Variants in ZNF236 observed in about 807,000 individuals in gnomAD.
ZNF236 encodes regulated by glucose.
ZNF236 carries 50 observed loss-of-function variants against 191.2 expected under a neutral mutation model. The ratio of observed to expected loss-of-function variants is 0.26; its 90% confidence interval spans 0.21 to 0.33. ZNF236 has a LOEUF of 0.33. Ranked by LOEUF, ZNF236 falls within the 10% of genes least tolerant of loss-of-function variation. The pLI is 1.00. For synonymous variants in ZNF236, 907 were observed against 928.8 expected, an observed-to-expected ratio of 0.98 and a Z score of 0.43; for missense variants, 1,754 against 2,374.5, an observed-to-expected ratio of 0.74 and a Z score of 5.43.
intron 13 of ZNF236, among the ~76,000 whole-genome samples, chr18:76,906,482 AC>A (rs2122748032): frequency 6.6e-6 from 1 of 152,264 alleles, no homozygotes; most frequent in South Asian, 2.1e-4. Flanking sequence ...TAGCAGGATG[AC>A]GGGTCCCCAG....
chr18:76,862,748 C>T (rs1472125170), intron 3 of ZNF236, among the ~76,000 whole-genome samples: 2 of 152,198 alleles, frequency 1.3e-5, no homozygotes, highest in African/African-American at 4.8e-5. Context: ...AAATGGGTCT[C>T]TGCTGCTGCT....
Position 76,837,958 on chromosome 18 carries a change from A to G in ZNF236, c.56-11568A>G, listed in dbSNP as rs142977211. Reference sequence around the variant, plus strand: ...GACACATTAAAATGGATAGATAGCCATTAGAATTAGTTATTTGTGTATCAC... The same window carrying G: ...GACACATTAAAATGGATAGATAGCCGTTAGAATTAGTTATTTGTGTATCAC... On this transcript the variant is annotated intron_variant, in intron 1 of 30. Coordinates refer to ENST00000320610, the MANE Select transcript of ZNF236 (RefSeq NM_001306089.2). Among the ~76,000 whole-genome samples the G allele has an allele frequency of 3.9e-3, 598 of 152,358 alleles. 3 individuals are homozygous for G. The highest frequency in any genetic ancestry group is 6.9e-3 in the Admixed American group (106 of 15,300).
rs371026672 is a variant in ZNF236 at position 76,938,735 on chromosome 18, G to A, written c.4782+1392G>A. Among the ~76,000 whole-genome samples, 53 of 152,226 alleles carry A rather than the reference G, an allele frequency of 3.5e-4. 1 individual carries two copies. The East Asian group carries it at 8.3e-3, about 24-fold the overall frequency. On this transcript the variant is annotated intron_variant, in intron 26 of 30. Coordinates refer to ENST00000320610, the MANE Select transcript of ZNF236 (RefSeq NM_001306089.2). Reference sequence around the variant, plus strand: ...CTGAGGTGACCCAGGCGCACCGCACGCCAGGGTTCCTGCTCACTGGACACA... The same window carrying A: ...CTGAGGTGACCCAGGCGCACCGCACACCAGGGTTCCTGCTCACTGGACACA...
At position 76,878,112 on chromosome 18, in the gene ZNF236, A is replaced by C. The variant is rs1478397143; in HGVS notation, c.944A>C (p.Gln315Pro). 1 of 1,613,218 alleles carries C rather than the reference A, an allele frequency of 6.2e-7. No homozygotes were observed. The highest frequency in any genetic ancestry group is 1.3e-5 in the African/African-American group (1 of 74,928). Reference sequence around the variant, plus strand: ...AGCAAGATGCATATGGGTGGGCCACAGAATTCAACAAGTTCTACAGAGACT... The same window carrying C: ...AGCAAGATGCATATGGGTGGGCCACCGAATTCAACAAGTTCTACAGAGACT... Reference protein sequence around the residue: ...HISKMHMGGPQNSTSSTETAH... With the variant: ...HISKMHMGGPPNSTSSTETAH... The change falls in exon 7 of 31, where the codon CAG becomes CCG. Residue 315 changes from glutamine (Q) to proline (P), a missense_variant. Gln to Pro is a moderately conservative substitution (Grantham distance 76). Around this residue, in one of 5 missense-constraint regions of ZNF236, gnomAD observed 336 missense variants for 495.1 expected, o/e 0.68. Transcript: ENST00000320610.
intron 1 of ZNF236, among the ~76,000 whole-genome samples, chr18:76,837,462 CAG>C (rs1285918298): frequency 1.0e-5 from 1 of 96,696 alleles, no homozygotes; most frequent in East Asian, 3.2e-4. Flanking sequence ...TTTTTTGAGA[CAG>C]AGTTTCACTC....
chr18:76,918,398 A>G (rs559910338), intron 19 of ZNF236, among the ~76,000 whole-genome samples: 1 of 152,262 alleles, frequency 6.6e-6, no homozygotes, highest in South Asian at 2.1e-4. Context: ...GATCACTTAT[A>G]ATACCTAATA....
At chr18:76,892,925 G>A (rs764164638) in intron 9 of ZNF236, among the ~76,000 whole-genome samples, 7 of 152,242 alleles carry the variant, frequency 4.6e-5, no homozygotes, top group Non-Finnish European at 7.3e-5. Context: ...ATGTGGGATT[G>A]CAGATCTAGC....
chr18:76,926,582 G>A (rs201286061), intron 22 of ZNF236, among the ~76,000 whole-genome samples: 3 of 151,422 alleles, frequency 2.0e-5, no homozygotes, highest in Non-Finnish European at 3.0e-5. Flanking sequence ...TAGACAGTGT[G>A]TATGATTAGA....
chr18:76,889,691 T>C (rs1977170047), intron 9 of ZNF236, among the ~76,000 whole-genome samples: 1 of 152,162 alleles, frequency 6.6e-6, no homozygotes, highest in Non-Finnish European at 1.5e-5. Flanking sequence ...GTTTAATGAA[T>C]ATATATGTTT....
At chr18:76,930,146 C>T (rs987449831) in intron 25 of ZNF236, among the ~76,000 whole-genome samples, 25 of 152,288 alleles carry the variant, frequency 1.6e-4, no homozygotes, top group African/African-American at 5.8e-4. Flanking sequence ...GATTCATCCA[C>T]GGATCTTTTG....
In ZNF236 at chr18:76,927,143, T is replaced by G; in HGVS notation, c.4134T>G (p.Ser1378=). The G allele has an allele frequency of 6.2e-7, 1 of 1,614,164 alleles. No homozygotes were observed. The highest frequency in any genetic ancestry group is 8.5e-7 in the Non-Finnish European group (1 of 1,180,012). ...TGGTTGGACCAAATGTACAGATTTC[T>G]GGAATCGATGCTGCCAGCATTAATA... ...ANLVGPNVQI[S]GIDAASINNI... Residue 1378 remains serine (S), a synonymous_variant, in exon 23 of 31, where the codon TCT becomes TCG. Coordinates refer to ENST00000320610, the MANE Select transcript of ZNF236 (RefSeq NM_001306089.2). The surrounding 1 kb of genome is among the most constrained non-coding windows in gnomAD (Gnocchi z 5.4).
In ZNF236 at chr18:76,970,239, A is replaced by AT. The variant is rs1431942679; in HGVS notation, c.*1902dup. The AT allele has an allele frequency of 6.6e-6, 1 of 152,662 alleles. No individual in the cohort carries two copies. The highest frequency in any genetic ancestry group is 1.5e-5 in the Non-Finnish European group (1 of 68,042). 9.5% of individuals were successfully genotyped at this position (152,662 alleles called of 1,614,324 possible). ...CTGGGTTATTTATTTTGATTTTAGC[A>AT]TTAAATGTCATCTCAGGACATCTCT... On this transcript the variant is annotated 3_prime_UTR_variant, in exon 31 of 31. Coordinates refer to ENST00000320610, the MANE Select transcript of ZNF236 (RefSeq NM_001306089.2).
At chr18:76,888,222 G>C (rs1977117740) in intron 9 of ZNF236, among the ~76,000 whole-genome samples, 1 of 152,186 alleles carries the variant, frequency 6.6e-6, no homozygotes, top group African/African-American at 2.4e-5. Flanking sequence ...AATTAGCCGG[G>C]CATGGTGGCG....
At chr18:76,843,201 AG>A (rs1163886983) in intron 1 of ZNF236, among the ~76,000 whole-genome samples, 1 of 152,124 alleles carries the variant, frequency 6.6e-6, no homozygotes, top group African/African-American at 2.4e-5. Context: ...GGAGAGCATG[AG>A]CCGGTGAGGC....
chr18:76,971,835 T>G lies in ZNF236; in HGVS notation c.*3496T>G, dbSNP rs1483816956. ...AGATTTTTAAAGGAAATAGGTAAGA[T>G]ATATAGAACTGCTTTCTAGTGTATA... is the stretch of plus-strand genomic sequence containing the variant. On this transcript the variant is annotated 3_prime_UTR_variant, in exon 31 of 31. Coordinates refer to ENST00000320610, the MANE Select transcript of ZNF236 (RefSeq NM_001306089.2). 6.6e-6 allele frequency among the ~76,000 whole-genome samples: 1 copy of G among 152,242 alleles called. No individual in the cohort carries two copies. Among genetic ancestry groups the G allele is most frequent in the African/African-American group, 2.4e-5 (1 of 41,466 alleles).
chr18:76,834,707 T>G, intron 1 of ZNF236: 3 of 449,128 alleles, frequency 6.7e-6, no homozygotes, highest in South Asian at 5.5e-5. Flanking sequence ...CTGACCTTTA[T>G]AGTGTCCTCA....
chr18:76,922,959 T>C lies in ZNF236; in HGVS notation c.3558-112T>C, dbSNP rs933429387. On this transcript the variant is annotated intron_variant, in intron 20 of 30. Coordinates refer to ENST00000320610, the MANE Select transcript of ZNF236 (RefSeq NM_001306089.2). Reference sequence around the variant, plus strand: ...TATGGAGTGAAGCTTAAAGTTTTTCTTGGCCAAACTTAAGCAGAACGTAGT... The same window carrying C: ...TATGGAGTGAAGCTTAAAGTTTTTCCTGGCCAAACTTAAGCAGAACGTAGT... 2.0e-4 allele frequency: 151 copies of C among 766,056 alleles called. 1 individual carries two copies. The highest frequency in any genetic ancestry group is 3.3e-4 in the Admixed American group (12 of 36,696). 47.5% of individuals were successfully genotyped at this position (766,056 alleles called of 1,614,324 possible). A position where few individuals can be genotyped will look rare whatever the true frequency, so the allele number is the denominator to read the frequency against.
intron 11 of ZNF236, among the ~76,000 whole-genome samples, chr18:76,899,774 G>A (rs1174209662): frequency 1.3e-5 from 2 of 152,188 alleles, no homozygotes; most frequent in East Asian, 1.9e-4. Context: ...ATATTTGTTA[G>A]TACTAGAACA....
intron 3 of ZNF236, among the ~76,000 whole-genome samples, chr18:76,860,623 G>A (rs1036132101): frequency 7.2e-5 from 11 of 152,036 alleles, no homozygotes; most frequent in Non-Finnish European, 1.6e-4. Context: ...TCCTGGGTAG[G>A]ACCACATCAT....
Sources: allele counts gnomAD v4.1 joint callset (sites outside exome capture counted in the v4.1 genomes callset), GRCh38; gene constraint gnomAD v4.1.1; regional missense constraint gnomAD v4.1.1; non-coding constraint Gnocchi (gnomAD v3.1); transcripts MANE v1.5; gene names NCBI Gene and HGNC (gene_info 2026-07-23, HGNC 2026-07-21).